The following SH3GL2 variants were observed in gnomAD, a reference collection of about 807,000 sequenced individuals.
SH3GL2 encodes the protein SH3 domain containing GRB2 like 2, endophilin A1.
Under a neutral mutation model 46.0 loss-of-function variants are expected in SH3GL2, and 24 were observed. That is an observed-to-expected ratio of 0.52 (90% CI 0.38 to 0.73). SH3GL2 has a LOEUF of 0.73. Among genes scored for constraint, SH3GL2 ranks in the 30% least tolerant of loss-of-function variants. The probability of loss-of-function intolerance (pLI) is 0.00; values close to 1 mark genes in which losing one functional copy is unlikely to be tolerated. For synonymous variants in SH3GL2, 196 were observed against 147.1 expected (o/e 1.33, Z -2.40); for missense variants, 413 against 424.2 (o/e 0.97, Z 0.23).
At chr9:17,744,059 A>G (rs1396960346) in intron 1 of SH3GL2, among the ~76,000 whole-genome samples, 1 of 152,210 alleles carries the variant, frequency 6.6e-6, no homozygotes, top group Non-Finnish European at 1.5e-5. Context: ...GGAGACAGCC[A>G]TGTAGAATGG....
At chr9:17,596,555 A>G (rs1027199142) in intron 1 of SH3GL2, among the ~76,000 whole-genome samples, 8 of 152,184 alleles carry the variant, frequency 5.3e-5, no homozygotes, top group African/African-American at 1.9e-4. Context: ...GCTTCTCAGC[A>G]AAAAGCCTGT....
At chr9:17,640,574 A>G (rs1382965863) in intron 1 of SH3GL2, among the ~76,000 whole-genome samples, 1 of 152,154 alleles carries the variant, frequency 6.6e-6, no homozygotes, top group African/African-American at 2.4e-5. Context: ...AGGCCCAGTA[A>G]TGCCCACCTG....
At chr9:17,771,866 T>C (rs1823489906) in intron 3 of SH3GL2, among the ~76,000 whole-genome samples, 1 of 151,714 alleles carries the variant, frequency 6.6e-6, no homozygotes, top group Non-Finnish European at 1.5e-5. Flanking sequence ...AGTAGCACGA[T>C]CCAGTGCTAG....
chr9:17,744,414 G>A (rs1249415709), intron 1 of SH3GL2, among the ~76,000 whole-genome samples: 5 of 150,782 alleles, frequency 3.3e-5, no homozygotes, highest in African/African-American at 1.2e-4. Flanking sequence ...CACCCAGGCT[G>A]GAGTGCAGTG....
At chr9:17,633,670 TTGAA>T in intron 1 of SH3GL2, among the ~76,000 whole-genome samples, 1 of 152,290 alleles carries the variant, frequency 6.6e-6, no homozygotes, top group South Asian at 2.1e-4. Context: ...TGAAATGAAA[TTGAA>T]TGAAGAGGAT....
chr9:17,764,055 G>A (rs566625179), intron 3 of SH3GL2, among the ~76,000 whole-genome samples: 12 of 152,312 alleles, frequency 7.9e-5, no homozygotes, highest in African/African-American at 2.9e-4. Flanking sequence ...AATATTGCAT[G>A]TGCTAATTGG....
intron 1 of SH3GL2, among the ~76,000 whole-genome samples, chr9:17,618,302 G>A (rs1371082067): frequency 6.6e-6 from 1 of 152,164 alleles, no homozygotes; most frequent in Non-Finnish European, 1.5e-5. Context: ...AGTCCAAAAT[G>A]TCAGTAGTAC....
intron 3 of SH3GL2, among the ~76,000 whole-genome samples, chr9:17,766,936 A>T (rs997335313): frequency 2.0e-5 from 3 of 152,150 alleles, no homozygotes; most frequent in African/African-American, 7.2e-5. Flanking sequence ...TAGGCTCTGG[A>T]TTTTTTAAAA....
At chr9:17,721,020 A>G (rs1821882152) in intron 1 of SH3GL2, among the ~76,000 whole-genome samples, 1 of 152,080 alleles carries the variant, frequency 6.6e-6, no homozygotes, top group Non-Finnish European at 1.5e-5. Flanking sequence ...GGTTAACAAA[A>G]CGAGGTCAGT....
rs182508790 is a variant in SH3GL2, at chr9:17,724,475, A to G, written c.46-22591A>G. Reference sequence around the variant, plus strand: ...TGCCGAGCCATATCTGCTAATTCCAACATCTGGGCCCTGAAAAGGAAGTGT... The same window carrying G: ...TGCCGAGCCATATCTGCTAATTCCAGCATCTGGGCCCTGAAAAGGAAGTGT... On this transcript the variant is annotated intron_variant, in intron 1 of 8. Coordinates refer to ENST00000380607, the MANE Select transcript of SH3GL2 (RefSeq NM_003026.5). Among the ~76,000 whole-genome samples the G allele has an allele frequency of 2.9e-3, 448 of 152,112 alleles. 1 individual carries two copies. Among genetic ancestry groups the G allele is most frequent in the South Asian group, 5.0e-3 (24 of 4,816 alleles).
chr9:17,730,228 G>A (rs1822137397), intron 1 of SH3GL2, among the ~76,000 whole-genome samples: 1 of 152,074 alleles, frequency 6.6e-6, no homozygotes, highest in Non-Finnish European at 1.5e-5. Context: ...TAGCAATTGT[G>A]AATGGGAGTT....
intron 1 of SH3GL2, among the ~76,000 whole-genome samples, chr9:17,657,101 T>C (rs1563800518): frequency 6.6e-6 from 1 of 152,182 alleles, no homozygotes; most frequent in Non-Finnish European, 1.5e-5. Context: ...GTCACTCACC[T>C]GATAGAGAAA....
Position 17,773,304 on chromosome 9 carries a change from C to G in SH3GL2, c.187+11795C>G, listed in dbSNP as rs527424129. Among the ~76,000 whole-genome samples the G allele has an allele frequency of 3.9e-5, 6 of 152,170 alleles. 1 individual carries two copies. The highest frequency in any genetic ancestry group is 1.4e-4 in the African/African-American group (6 of 41,532). ...TAGTGTCTTTTGATGCACACAATTT[C>G]TTAACTTTCGTGAAGTCCAATTGTG... is the stretch of plus-strand genomic sequence containing the variant. On this transcript the variant is annotated intron_variant, in intron 3 of 8. Coordinates refer to ENST00000380607, the MANE Select transcript of SH3GL2 (RefSeq NM_003026.5).
chr9:17,787,930 T>A (rs925263245), intron 5 of SH3GL2, among the ~76,000 whole-genome samples: 6 of 152,190 alleles, frequency 3.9e-5, no homozygotes, highest in Non-Finnish European at 8.8e-5. Context: ...ATATTTTTAT[T>A]TTTTTCCAAG....
At position 17,738,641 on chromosome 9, in the gene SH3GL2, T is replaced by TATATATATATATAGAGAGAG. The variant is rs376280314; in HGVS notation, c.46-8424_46-8423insTATATATATATAGAGAGAGA. On this transcript the variant is annotated intron_variant, in intron 1 of 8. Transcript: ENST00000380607. ...TCATGTGATTTTATATATATATATA[T>TATATATATATATAGAGAGAG]AGAGAGAGAGAGAGAGAGAGAGAGA... 1.7e-4 allele frequency among the ~76,000 whole-genome samples: 15 copies of TATATATATATATAGAGAGAG among 88,878 alleles called. No individual in the cohort carries two copies. The South Asian group carries it at 2.0e-3, about 12-fold the overall frequency. 58.3% of individuals were successfully genotyped at this position (88,878 alleles called of 152,430 possible). A position where few individuals can be genotyped will look rare whatever the true frequency, so the allele number is the denominator to read the frequency against.
chr9:17,731,453 C>CAGAG lies in SH3GL2; in HGVS notation c.46-15610_46-15609insGAGA, dbSNP rs560760881. ...AGAGAGAGAAAGAGAGAGAGAGAGACAGACAGAGAGAGAGAGAGAGCATCT... is the reference window on the plus strand; with the variant it reads ...AGAGAGAGAAAGAGAGAGAGAGAGACAGAGAGACAGAGAGAGAGAGAGAGCATCT... On this transcript the variant is annotated intron_variant, in intron 1 of 8. Coordinates refer to ENST00000380607, the MANE Select transcript of SH3GL2 (RefSeq NM_003026.5). 4.0e-5 allele frequency among the ~76,000 whole-genome samples: 6 copies of CAGAG among 150,176 alleles called. No individual in the cohort carries two copies. The East Asian group carries it at 1.0e-3, about 25-fold the overall frequency.
At chr9:17,671,544 C>G (rs963147861) in intron 1 of SH3GL2, among the ~76,000 whole-genome samples, 7 of 152,078 alleles carry the variant, frequency 4.6e-5, no homozygotes, top group African/African-American at 1.4e-4. Flanking sequence ...ATTCTATTTT[C>G]CATGGTACGA....
chr9:17,645,182 T>TTTTTTTTTTTTTTTTTTA (rs1819781790), intron 1 of SH3GL2, among the ~76,000 whole-genome samples: 21 of 72,758 alleles, frequency 2.9e-4, no homozygotes, highest in South Asian at 1.1e-3. Flanking sequence ...TTTTTTTTTT[T>TTTTTTTTTTTTTTTTTTA]GCTTTCCATT....
chr9:17,593,937 C>T (rs1588161673), intron 1 of SH3GL2, among the ~76,000 whole-genome samples: 1 of 152,308 alleles, frequency 6.6e-6, no homozygotes, highest in East Asian at 1.9e-4. Flanking sequence ...CAACTTCTTC[C>T]TCCTCACACC....
Sources: gnomAD v4.1 joint callset for allele counts (sites outside exome capture counted in the v4.1 genomes callset) on GRCh38, gnomAD v4.1.1 for gene constraint, MANE v1.5 for transcripts, NCBI Gene and HGNC (gene_info 2026-07-23, HGNC 2026-07-21) for gene names.